UBR4: variants seen among roughly 807,000 people sequenced by gnomAD.
The protein encoded by UBR4 is ubiquitin protein ligase E3 component n-recognin 4, also known as E3 ubiquitin-protein ligase UBR4.
Under a neutral mutation model 575.6 loss-of-function variants are expected in UBR4, and 124 were observed. The observed-to-expected ratio is 0.22, with a 90% CI of 0.19 to 0.25. The LOEUF is 0.25. UBR4 is among the 10% of genes least tolerant of loss of function. The pLI, the probability that UBR4 is intolerant of heterozygous loss-of-function variation, is 1.00. For missense variants in UBR4, 4,818 were observed against 6,478.8 expected (o/e 0.74, Z 8.80); for synonymous variants, 2,455 against 2,473.7 (o/e 0.99, Z 0.22).
intron 44 of UBR4, 131 bp downstream of exon 44, chr1:19,154,787 G>C (rs1011171782): frequency 7.7e-7 from 1 of 1,298,858 alleles, no homozygotes; most frequent in Admixed American, 2.0e-5. Context: ...ATACCTAGCA[G>C]GGGAGAAAAA....
intron 42 of UBR4, 41 bp from the exon 43 acceptor site, chr1:19,155,709 C>T (rs1347489846): frequency 6.5e-7 from 1 of 1,538,380 alleles, no homozygotes. Context: ...AAATCTATCT[C>T]AGTCCCATCC....
At chr1:19,107,918 G>A (rs1206370961) in intron 81 of UBR4, among the ~76,000 whole-genome samples, 2 of 152,240 alleles carry the variant, frequency 1.3e-5, no homozygotes, top group South Asian at 2.1e-4. Flanking sequence ...ACAGAAAGAC[G>A]TGGCACTGTT....
At position 19,113,192 on chromosome 1, in the gene UBR4, G is replaced by A. The variant is rs568102939; in HGVS notation, c.11458-325C>T. ...GATGGCACTCCAGCAATTTGGGGTT[G>A]AGGGGGAAGGTAAACTGGATGCTCT... On this transcript the variant is annotated intron_variant, in intron 77 of 105. Transcript: ENST00000375254. The A allele has an allele frequency of 1.9e-5, 6 of 309,430 alleles. No individual in the cohort carries two copies. In the South Asian group the frequency reaches 2.8e-4, roughly 14 times the overall value. 19.2% of individuals were successfully genotyped at this position (309,430 alleles called of 1,614,324 possible).
At chr1:19,144,757 G>C in intron 54 of UBR4, 29 bp downstream of exon 54, 3 of 1,582,968 alleles carry the variant, frequency 1.9e-6, no homozygotes. Flanking sequence ...TGGCTGCTGC[G>C]AGCTCTCTGG....
chr1:19,173,076 A>G lies in UBR4; in HGVS notation c.3309T>C (p.Ser1103=), dbSNP rs878959767. ...GCTGCAAGATGGTGGTACAGTCGAT[A>G]CTACAGAAGGATGAGATCTTTAAAA... The part of the protein sequence containing the change: ...YFARQISSFC[S]IDCTTILQLH... The change falls in exon 25 of 106, where the codon AGT becomes AGC. Residue 1103 remains serine (S), a synonymous_variant. Coordinates refer to ENST00000375254, the MANE Select transcript of UBR4 (RefSeq NM_020765.3). 6.2e-7 allele frequency: 1 copy of G among 1,614,208 alleles called. No individual in the cohort carries two copies. Among genetic ancestry groups the G allele is most frequent in the Non-Finnish European group, 8.5e-7 (1 of 1,180,000 alleles).
chr1:19,168,027 A>C lies in UBR4; in HGVS notation c.3899T>G (p.Val1300Gly). Reference protein sequence around the residue: ...SLVRLTGDLIVWSDEMNPPQV... With the variant: ...SLVRLTGDLIGWSDEMNPPQV... ...TTGGGGCTAGGTAGTAGGTACTTACACAATAAGATCTCCAGTCAACCTGAC... is the reference window on the plus strand; with the variant it reads ...TTGGGGCTAGGTAGTAGGTACTTACCCAATAAGATCTCCAGTCAACCTGAC... The change falls in exon 28 of 106, where the codon GTT (valine) becomes GGT (glycine). Residue 1300 changes from valine (V) to glycine (G), a missense_variant and splice_region_variant. Transcript: ENST00000375254. 1 of 1,610,874 alleles carries C rather than the reference A, an allele frequency of 6.2e-7. No homozygotes were observed. The highest frequency in any genetic ancestry group is 8.5e-7 in the Non-Finnish European group (1 of 1,177,802).
chr1:19,144,960 C>T, intron 53 of UBR4, 53 bp from the exon 54 acceptor site: 2 of 1,605,330 alleles, frequency 1.2e-6, no homozygotes, highest in East Asian at 2.2e-5. Flanking sequence ...ACTCTAACTA[C>T]TTGAGAGTCT....
In UBR4 at chr1:19,163,784, C is replaced by T. The variant is rs1193159810; in HGVS notation, c.4744G>A (p.Ala1582Thr). The T allele has an allele frequency of 6.2e-7, 1 of 1,614,036 alleles. No individual in the cohort carries two copies. The highest frequency in any genetic ancestry group is 1.3e-5 in the African/African-American group (1 of 74,914). Residue 1582 changes from alanine to threonine, a missense_variant, in exon 34 of 106, where the codon GCC becomes ACC. By Grantham distance (58) the Ala-to-Thr change is moderately conservative. Around this residue, in one of 29 missense-constraint regions of UBR4, gnomAD observed 1,172 missense variants for 1,259.7 expected, o/e 0.93. Coordinates refer to ENST00000375254, the MANE Select transcript of UBR4 (RefSeq NM_020765.3). ...CTTACCTTTCCATGCATTACATTGG[C>T]ATTCAGTTTTTCAACTACATTCTTC... ...SQKNVVEKLN[A>T]NVMHGKHVMI...
chr1:19,206,641 T>C (rs1012646886), intron 1 of UBR4, among the ~76,000 whole-genome samples: 11 of 152,266 alleles, frequency 7.2e-5, no homozygotes, highest in African/African-American at 2.6e-4. Flanking sequence ...CAGCCAACCC[T>C]GTCTCTTAAA....
rs2089801794 is a variant in UBR4 at position 19,173,078 on chromosome 1, T to C, written c.3307A>G (p.Ser1103Gly). The C allele has an allele frequency of 3.1e-6, 5 of 1,614,120 alleles. No homozygotes were observed. The highest frequency in any genetic ancestry group is 4.2e-6 in the Non-Finnish European group (5 of 1,179,966). The change falls in exon 25 of 106, where the codon AGT becomes GGT. Residue 1103 changes from serine to glycine, a missense_variant. Around this residue, in one of 29 missense-constraint regions of UBR4, gnomAD observed 1,172 missense variants for 1,259.7 expected, o/e 0.93. Coordinates refer to ENST00000375254, the MANE Select transcript of UBR4 (RefSeq NM_020765.3). ...YFARQISSFCSIDCTTILQLH... is the reference protein window; with the variant it reads ...YFARQISSFCGIDCTTILQLH... ...TGCAAGATGGTGGTACAGTCGATACTACAGAAGGATGAGATCTTTAAAAAT... is the reference window on the plus strand; with the variant it reads ...TGCAAGATGGTGGTACAGTCGATACCACAGAAGGATGAGATCTTTAAAAAT...
chr1:19,178,534 G>T (rs940983916), intron 18 of UBR4, among the ~76,000 whole-genome samples: 1 of 152,138 alleles, frequency 6.6e-6, no homozygotes, highest in Non-Finnish European at 1.5e-5. Flanking sequence ...TCCTACAATG[G>T]GGAACAGAAA....
At chr1:19,078,853 G>A (rs1054560064) in intron 103 of UBR4, 3 of 152,208 alleles carry the variant, frequency 2.0e-5, no homozygotes, top group African/African-American at 7.2e-5. Flanking sequence ...TGAGGTTTGA[G>A]GAATGATTAC....
intron 91 of UBR4, 149 bp downstream of exon 91, chr1:19,097,044 T>C: frequency 1.7e-6 from 1 of 573,062 alleles, no homozygotes; most frequent in South Asian, 3.7e-5. Flanking sequence ...CACAGACACC[T>C]CTTTTTTTCC....
At chr1:19,147,560 T>C (rs1189823001) in intron 51 of UBR4, among the ~76,000 whole-genome samples, 1 of 152,316 alleles carries the variant, frequency 6.6e-6, no homozygotes, top group Middle Eastern at 3.4e-3. Flanking sequence ...TTTCCCCAGA[T>C]GTTCCCATCA....
chr1:19,163,534 T>C (rs2087759078), intron 34 of UBR4, among the ~76,000 whole-genome samples: 1 of 152,250 alleles, frequency 6.6e-6, no homozygotes, highest in Non-Finnish European at 1.5e-5. Context: ...AGAAAGATTC[T>C]GTCTGCTTAT....
chr1:19,152,280 C>T lies in UBR4; in HGVS notation c.6996+33G>A, dbSNP rs548453586. ...ACCATATTGTTTGAGTCCTTCTACCCAGGGATTGATCCCAGCCCAGTGCCA... is the reference window on the plus strand; with the variant it reads ...ACCATATTGTTTGAGTCCTTCTACCTAGGGATTGATCCCAGCCCAGTGCCA... On this transcript the variant is annotated intron_variant, in intron 47 of 105. Transcript: ENST00000375254. The surrounding 1 kb of genome is among the most constrained non-coding windows in gnomAD (Gnocchi z 4.4). 7.4e-6 allele frequency: 12 copies of T among 1,611,718 alleles called. No individual in the cohort carries two copies. The East Asian group carries it at 1.6e-4, about 21-fold the overall frequency.
chr1:19,110,005 C>A lies in UBR4; in HGVS notation c.12105+91G>T. 2 of 1,579,214 alleles carry A rather than the reference C, an allele frequency of 1.3e-6. No individual in the cohort carries two copies. Among genetic ancestry groups the A allele is most frequent in the South Asian group, 1.2e-5 (1 of 85,732 alleles). ...CAGGGGAGGTGGGCTCAAGGCAAAG[C>A]GGAGACCATGAGGAGGCAGGGCACA... On this transcript the variant is annotated intron_variant, in intron 81 of 105. Coordinates refer to ENST00000375254, the MANE Select transcript of UBR4 (RefSeq NM_020765.3). This position sits in a 1 kb window ranked among gnomAD's most constrained non-coding sequence, Gnocchi z 4.5.
At chr1:19,104,534 T>C (rs1230356186) in intron 86 of UBR4, 51 bp downstream of exon 86, 1 of 1,591,286 alleles carries the variant, frequency 6.3e-7, no homozygotes, top group Non-Finnish European at 8.6e-7. Context: ...CTAAGGGTTG[T>C]CCCTAAACAG....
intron 83 of UBR4, among the ~76,000 whole-genome samples, chr1:19,106,303 G>C (rs1056127195): frequency 4.6e-5 from 7 of 152,160 alleles, no homozygotes; most frequent in Non-Finnish European, 8.8e-5. Context: ...AATGGAAGGA[G>C]AAAAGGGACT....
Sources: allele counts gnomAD v4.1 joint callset (sites outside exome capture counted in the v4.1 genomes callset), GRCh38; gene constraint gnomAD v4.1.1; regional missense constraint gnomAD v4.1.1; non-coding constraint Gnocchi (gnomAD v3.1); transcripts MANE v1.5; gene names NCBI Gene and HGNC (gene_info 2026-07-23, HGNC 2026-07-21).